The following WDPCP variants were observed in gnomAD, a reference collection of about 807,000 sequenced individuals.
WDPCP encodes the protein WD repeat-containing and planar cell polarity effector protein fritz homolog.
Under a neutral mutation model 93.1 loss-of-function variants are expected in WDPCP, and 71 were observed. That is an observed-to-expected ratio of 0.76 (90% CI 0.63 to 0.93). The LOEUF (loss-of-function observed/expected upper bound fraction) is 0.93, where lower values mean the gene tolerates loss of function less well. Among genes scored for constraint, WDPCP ranks in the 40% least tolerant of loss-of-function variants. The pLI is 0.00. For missense variants in WDPCP, 844 were observed against 887.4 expected (o/e 0.95, Z 0.62); for synonymous variants, 315 against 315.0 (o/e 1.00, Z 0.00).
rs34946446 is a variant in WDPCP, at chr2:63,526,055, CTGTGTG to C, written c.76-33121_76-33116del. Among the ~76,000 whole-genome samples the C allele has an allele frequency of 4.7e-5, 7 of 148,750 alleles. No individual in the cohort carries two copies. In the East Asian group the frequency reaches 8.0e-4, roughly 17 times the overall value. Reference sequence around the variant, plus strand: ...AATACTTCTGTTGTTGCTGTTGCTACTGTGTGTGTGTGTGTGTGTGTGTGTACACAC... The same window carrying C: ...AATACTTCTGTTGTTGCTGTTGCTACTGTGTGTGTGTGTGTGTGTACACAC... On this transcript the variant is annotated intron_variant, in intron 1 of 17. Coordinates refer to ENST00000272321, the MANE Select transcript of WDPCP (RefSeq NM_015910.7).
At chr2:63,606,156 A>C in intron 3 of WDPCP, 1 of 879,560 alleles carries the variant, frequency 1.1e-6, no homozygotes, top group Non-Finnish European at 1.9e-6. Context: ...GCAAGGTGGC[A>C]AGATTGCTTG....
intron 12 of WDPCP, among the ~76,000 whole-genome samples, chr2:63,330,648 T>A (rs891980080): frequency 6.6e-6 from 1 of 152,162 alleles, no homozygotes; most frequent in Non-Finnish European, 1.5e-5. Flanking sequence ...ATCTAAAAAC[T>A]CATTGCCAAA....
At chr2:63,459,880 G>T (rs1394134223) in intron 6 of WDPCP, among the ~76,000 whole-genome samples, 1 of 151,586 alleles carries the variant, frequency 6.6e-6, no homozygotes, top group Non-Finnish European at 1.5e-5. Flanking sequence ...TTGCGCCACT[G>T]TACTCCAGCC....
At chr2:63,581,469 G>A (rs1299477439) in intron 1 of WDPCP, among the ~76,000 whole-genome samples, 1 of 152,166 alleles carries the variant, frequency 6.6e-6, no homozygotes, top group Non-Finnish European at 1.5e-5. Context: ...ACTCATATCG[G>A]GCTGGGAATA....
At chr2:63,198,371 G>A (rs1675617774) in intron 14 of WDPCP, among the ~76,000 whole-genome samples, 1 of 152,026 alleles carries the variant, frequency 6.6e-6, no homozygotes, top group Admixed American at 6.6e-5. Context: ...TCTTTTGCAG[G>A]ATATTCCCAG....
chr2:63,201,446 AT>A (rs1268828002), intron 14 of WDPCP, among the ~76,000 whole-genome samples: 1 of 152,242 alleles, frequency 6.6e-6, no homozygotes, highest in Non-Finnish European at 1.5e-5. Flanking sequence ...CGTGCTTTGG[AT>A]TCCACATGCT....
chr2:63,235,209 C>T (rs762580399), intron 14 of WDPCP, among the ~76,000 whole-genome samples: 5 of 152,018 alleles, frequency 3.3e-5, no homozygotes, highest in African/African-American at 1.2e-4. Context: ...GAAACTGATA[C>T]AAACACCTCA....
intron 2 of WDPCP, among the ~76,000 whole-genome samples, chr2:63,652,130 A>C (rs530838669): frequency 2.0e-5 from 3 of 152,260 alleles, no homozygotes; most frequent in Non-Finnish European, 4.4e-5. Context: ...ATGGTTCCAC[A>C]CATGGACACT....
intron 13 of WDPCP, among the ~76,000 whole-genome samples, chr2:63,261,175 T>G (rs935610785): frequency 2.7e-5 from 1 of 36,436 alleles, no homozygotes; most frequent in Non-Finnish European, 7.6e-5. Context: ...TGTCGAAAGG[T>G]TTTTTTTTTT....
intron 2 of WDPCP, among the ~76,000 whole-genome samples, chr2:63,679,643 A>G (rs1710464770): frequency 2.6e-5 from 4 of 152,176 alleles, no homozygotes; most frequent in Admixed American, 2.6e-4. Flanking sequence ...ACTGGCTGAC[A>G]GCAAGCTAGG....
chr2:63,255,818 T>C (rs1681084212), intron 14 of WDPCP, among the ~76,000 whole-genome samples: 1 of 152,190 alleles, frequency 6.6e-6, no homozygotes, highest in South Asian at 2.1e-4. Flanking sequence ...TTACTAACTG[T>C]TGGCATTAAT....
chr2:63,153,019 C>G, intron 16 of WDPCP, 74 bp from the exon 17 acceptor site: 1 of 1,242,030 alleles, frequency 8.1e-7, no homozygotes, highest in Non-Finnish European at 1.2e-6. Context: ...TTTTACAACA[C>G]TAAAAACAGA....
At chr2:63,405,534 T>TGC (rs1479255445) in intron 9 of WDPCP, among the ~76,000 whole-genome samples, 3 of 19,236 alleles carry the variant, frequency 1.6e-4, no homozygotes, top group African/African-American at 4.5e-4. Flanking sequence ...TTTGGTATAG[T>TGC]GTGTGTGTGT....
At chr2:63,188,853 C>T (rs540690591) in intron 14 of WDPCP, among the ~76,000 whole-genome samples, 1 of 152,120 alleles carries the variant, frequency 6.6e-6, no homozygotes. Context: ...GGTCCCGTTT[C>T]TTTGTATGCC....
intron 1 of WDPCP, among the ~76,000 whole-genome samples, chr2:63,579,918 TG>T (rs1708385776): frequency 6.6e-6 from 1 of 152,192 alleles, no homozygotes; most frequent in Non-Finnish European, 1.5e-5. Context: ...CCTCATAAAC[TG>T]GTTAATGTTG....
At chr2:63,143,107 G>A (rs1040589893) in intron 17 of WDPCP, among the ~76,000 whole-genome samples, 1 of 151,890 alleles carries the variant, frequency 6.6e-6, no homozygotes, top group East Asian at 1.9e-4. Flanking sequence ...ACATGTCACC[G>A]CAGGTGCCTC....
intron 2 of WDPCP, among the ~76,000 whole-genome samples, chr2:63,660,283 T>G (rs1710212812): frequency 6.6e-6 from 1 of 152,172 alleles, no homozygotes. Flanking sequence ...TCCACACTGG[T>G]AAATCTAAGC....
At chr2:63,607,659 T>C (rs369528097) in intron 3 of WDPCP, among the ~76,000 whole-genome samples, 80 of 150,418 alleles carry the variant, frequency 5.3e-4, no homozygotes, top group African/African-American at 2.0e-3. Context: ...TGAAACCCCA[T>C]CTCTACTAAA....
At chr2:63,193,141 A>C (rs2104247139) in intron 14 of WDPCP, among the ~76,000 whole-genome samples, 1 of 152,326 alleles carries the variant, frequency 6.6e-6, no homozygotes, top group African/African-American at 2.4e-5. Flanking sequence ...TTTTAAGTTA[A>C]AAGGACACAG....
Sources: gnomAD v4.1 joint callset for allele counts (sites outside exome capture counted in the v4.1 genomes callset) on GRCh38, gnomAD v4.1.1 for gene constraint, MANE v1.5 for transcripts, NCBI Gene and HGNC (gene_info 2026-07-23, HGNC 2026-07-21) for gene names.